Variants in ZNF71 observed in about 807,000 individuals in gnomAD.
ZNF71 encodes the protein zinc finger protein 71, also known as endothelial zinc finger protein induced by tumor necrosis factor alpha.
In ZNF71, 3 loss-of-function variants were observed where a neutral mutation model predicts 6.7. That is an observed-to-expected ratio of 0.45 (90% CI 0.20 to 1.16). ZNF71 has a LOEUF of 1.16. Among genes scored for constraint, ZNF71 ranks in the 50% most tolerant of loss-of-function variants. The pLI is 0.25. For missense variants in ZNF71, 688 were observed against 728.6 expected, an observed-to-expected ratio of 0.94 and a Z score of 0.64; for synonymous variants, 343 against 311.1, an observed-to-expected ratio of 1.10 and a Z score of -1.08.
chr19:56,616,120 C>G (rs2044789342), intron 3 of ZNF71, among the ~76,000 whole-genome samples: 2 of 152,126 alleles, frequency 1.3e-5, no homozygotes, highest in Non-Finnish European at 2.9e-5. Flanking sequence ...TGGCCTATCC[C>G]AAGGCCTCAG....
At chr19:56,611,592 A>T (rs938148666) in intron 2 of ZNF71, among the ~76,000 whole-genome samples, 7 of 152,186 alleles carry the variant, frequency 4.6e-5, no homozygotes, top group Admixed American at 1.3e-4. Context: ...GCTTTTGGGG[A>T]TGAAAGACAA....
chr19:56,611,188 G>T (rs537704406), intron 2 of ZNF71, among the ~76,000 whole-genome samples: 1 of 152,324 alleles, frequency 6.6e-6, no homozygotes, highest in East Asian at 1.9e-4. Context: ...GAGAAGGCAG[G>T]CTGGCAGGGC....
In ZNF71 at chr19:56,622,642, C is replaced by T; in HGVS notation, c.1535C>T (p.Ser512Phe). ...GGGAAGTCCTTCATCAAGAACTCCTCCCTCACTGTGCACCAGCGGATCCAC... is the reference window on the plus strand; with the variant it reads ...GGGAAGTCCTTCATCAAGAACTCCTTCCTCACTGTGCACCAGCGGATCCAC... ...QCGKSFIKNS[S>F]LTVHQRIHTG... is the part of the protein sequence containing the mutation. Residue 512 changes from serine (S) to phenylalanine (F), a missense_variant, in exon 4 of 4, where the codon TCC (serine) becomes TTC (phenylalanine). Transcript: ENST00000599599. 6.2e-7 allele frequency: 1 copy of T among 1,613,840 alleles called. No homozygotes were observed. Among genetic ancestry groups the T allele is most frequent in the Non-Finnish European group, 8.5e-7 (1 of 1,179,906 alleles).
rs539149818 is a variant in ZNF71, at chr19:56,608,973, A to G, written c.34-4839A>G. 1.1e-3 allele frequency among the ~76,000 whole-genome samples: 175 copies of G among 152,314 alleles called. 1 individual carries two copies. The highest frequency in any genetic ancestry group is 4.0e-3 in the African/African-American group (165 of 41,564). On this transcript the variant is annotated intron_variant, in intron 2 of 3. Coordinates refer to ENST00000599599, the MANE Select transcript of ZNF71 (RefSeq NM_001370215.1). ...GGTAGGCTATTATTTAATGAATCCCATGACATGGATGTTATGGTTGTCCAA... is the reference window on the plus strand; with the variant it reads ...GGTAGGCTATTATTTAATGAATCCCGTGACATGGATGTTATGGTTGTCCAA...
chr19:56,609,773 C>G (rs2044737151), intron 2 of ZNF71, among the ~76,000 whole-genome samples: 1 of 147,678 alleles, frequency 6.8e-6, no homozygotes, highest in South Asian at 2.1e-4. Context: ...ATGAGGCATA[C>G]GATATGGATT....
chr19:56,609,794 C>T lies in ZNF71; in HGVS notation c.34-4018C>T, dbSNP rs183461768. Among the ~76,000 whole-genome samples, 7 of 144,654 alleles carry T rather than the reference C, an allele frequency of 4.8e-5. 1 individual carries two copies. Among genetic ancestry groups the T allele is most frequent in the African/African-American group, 2.0e-4 (7 of 35,378 alleles). The allele number at this position is 144,654 out of a possible 152,430, so 94.9% of individuals were successfully genotyped here. ...CATACGATATGGATTTTGCCTGTTC[C>T]GGACATTGTACATAAATGAGGCATA... On this transcript the variant is annotated intron_variant, in intron 2 of 3. Transcript: ENST00000599599.
chr19:56,600,104 T>G (rs1303212015), intron 1 of ZNF71, among the ~76,000 whole-genome samples: 26 of 142,952 alleles, frequency 1.8e-4, no homozygotes, highest in Non-Finnish European at 3.4e-4. Context: ...TTGTTTTTTT[T>G]TTTTTTTTTT....
intron 2 of ZNF71, among the ~76,000 whole-genome samples, chr19:56,611,074 T>G (rs898015789): frequency 3.3e-5 from 5 of 152,142 alleles, no homozygotes; most frequent in African/African-American, 1.2e-4. Context: ...GCTCAGACCT[T>G]CCAAAGAATG....
chr19:56,597,762 T>C (rs1423893240), intron 1 of ZNF71, among the ~76,000 whole-genome samples: 1 of 152,226 alleles, frequency 6.6e-6, no homozygotes, highest in Non-Finnish European at 1.5e-5. Flanking sequence ...GCCATAAATA[T>C]CTTTTTTTCC....
At position 56,623,073 on chromosome 19, in the gene ZNF71, G is replaced by C; in HGVS notation, c.*316G>C. On this transcript the variant is annotated 3_prime_UTR_variant, in exon 4 of 4. Transcript: ENST00000599599. ...AGTAACTGTCCTAGAGCTGGGACAG[G>C]TCACGCCTGCCTCCACATCTCTGTT... The C allele has an allele frequency of 2.8e-6, 1 of 360,736 alleles. No individual in the cohort carries two copies. Among genetic ancestry groups the C allele is most frequent in the Non-Finnish European group, 5.3e-6 (1 of 189,996 alleles). 22.3% of individuals were successfully genotyped at this position (360,736 alleles called of 1,614,324 possible).
intron 2 of ZNF71, among the ~76,000 whole-genome samples, chr19:56,604,865 C>T (rs748960943): frequency 6.6e-6 from 1 of 152,220 alleles, no homozygotes; most frequent in African/African-American, 2.4e-5. Context: ...AGCCAGTGAG[C>T]TCTGAGTGTC....
At chr19:56,604,992 C>G (rs1398970793) in intron 2 of ZNF71, among the ~76,000 whole-genome samples, 1 of 152,188 alleles carries the variant, frequency 6.6e-6, no homozygotes, top group Admixed American at 6.5e-5. Context: ...CTTTCTTGCC[C>G]CATCAAAGGG....
At chr19:56,617,871 T>TG (rs539907193) in intron 3 of ZNF71, among the ~76,000 whole-genome samples, 21 of 152,264 alleles carry the variant, frequency 1.4e-4, no homozygotes, top group African/African-American at 5.1e-4. Flanking sequence ...CTCCAGGTCA[T>TG]GTTCACTCCA....
At chr19:56,606,594 G>C (rs2044711766) in intron 2 of ZNF71, among the ~76,000 whole-genome samples, 2 of 152,180 alleles carry the variant, frequency 1.3e-5, no homozygotes, top group Admixed American at 6.5e-5. Context: ...AGCTGGGCTA[G>C]AGTAGTCTGC....
At chr19:56,606,152 T>A (rs1735034649) in intron 2 of ZNF71, among the ~76,000 whole-genome samples, 1 of 152,262 alleles carries the variant, frequency 6.6e-6, no homozygotes, top group Non-Finnish European at 1.5e-5. Context: ...TATCATTATT[T>A]ACTAATGAAT....
Position 56,617,115 on chromosome 19 carries a change from T to TTTC in ZNF71, c.160+3179_160+3180insCTT, listed in dbSNP as rs1555776028. 5.0e-4 allele frequency among the ~76,000 whole-genome samples: 73 copies of TTTC among 146,606 alleles called. 1 individual carries two copies. The East Asian group carries it at 0.011, about 23-fold the overall frequency. ...CAGGAGACTTCCATTTTCTTTTGTT[T>TTTC]TTTTTTGTTTTTTTTGAGACAGTCT... On this transcript the variant is annotated intron_variant, in intron 3 of 3. Coordinates refer to ENST00000599599, the MANE Select transcript of ZNF71 (RefSeq NM_001370215.1).
At position 56,622,181 on chromosome 19, in the gene ZNF71, C is replaced by T. The variant is rs1442541328; in HGVS notation, c.1074C>T (p.Tyr358=). 21 of 1,613,318 alleles carry T rather than the reference C, an allele frequency of 1.3e-5. No individual in the cohort carries two copies. Among genetic ancestry groups the T allele is most frequent in the African/African-American group, 5.4e-5 (4 of 74,740 alleles). ...GCACGCACACCGGGGAGAAGCCGTA[C>T]GCCTGCAAGGAGTGCGGCAAGGCCT... The part of the protein sequence containing the change: ...HQRTHTGEKP[Y]ACKECGKAFN... Residue 358 remains tyrosine, a synonymous_variant, in exon 4 of 4, where the codon TAC becomes TAT. Coordinates refer to ENST00000599599, the MANE Select transcript of ZNF71 (RefSeq NM_001370215.1).
Position 56,622,092 on chromosome 19 carries a change from C to T in ZNF71, c.985C>T (p.Pro329Ser), listed in dbSNP as rs772212199. The change falls in exon 4 of 4, where the codon CCG becomes TCG. Residue 329 changes from proline (P) to serine (S), a missense_variant. Pro to Ser is a moderately conservative substitution (Grantham distance 74). Coordinates refer to ENST00000599599, the MANE Select transcript of ZNF71 (RefSeq NM_001370215.1). ...VHQRTHTGEK[P>S]YVCPECGRAF... ...CCAGCGCACGCACACCGGGGAGAAG[C>T]CGTACGTGTGCCCCGAGTGCGGGCG... 4.3e-6 allele frequency: 7 copies of T among 1,612,864 alleles called. No individual in the cohort carries two copies. The highest frequency in any genetic ancestry group is 2.2e-5 in the East Asian group (1 of 44,824).
At position 56,622,727 on chromosome 19, in the gene ZNF71, C is replaced by T. The variant is rs200278100; in HGVS notation, c.1620C>T (p.Asn540=). The part of the protein sequence containing the change: ...ECGKTFSRNT[N]LTRHLRIHT ...GGAAGACCTTCAGCCGCAACACGAA[C>T]CTGACGCGCCACCTGCGGATTCACA... Residue 540 remains asparagine (N), a synonymous_variant, in exon 4 of 4, where the codon AAC becomes AAT. Coordinates refer to ENST00000599599, the MANE Select transcript of ZNF71 (RefSeq NM_001370215.1). 1.2e-6 allele frequency: 2 copies of T among 1,608,342 alleles called. No homozygotes were observed. The highest frequency in any genetic ancestry group is 3.3e-5 in the Admixed American group (2 of 59,842).
Sources: gnomAD v4.1 joint callset for allele counts (sites outside exome capture counted in the v4.1 genomes callset) on GRCh38, gnomAD v4.1.1 for gene constraint, MANE v1.5 for transcripts, NCBI Gene and HGNC (gene_info 2026-07-23, HGNC 2026-07-21) for gene names.